COL27A1: variants seen among roughly 807,000 people sequenced by gnomAD.
COL27A1 encodes collagen type XXVII alpha 1 chain.
COL27A1 carries 106 observed loss-of-function variants against 251.3 expected under a neutral mutation model. The observed-to-expected ratio is 0.42, with a 90% CI of 0.36 to 0.50. COL27A1 has a LOEUF of 0.50. Among genes scored for constraint, COL27A1 ranks in the 20% least tolerant of loss-of-function variants. The pLI, the probability that COL27A1 is intolerant of heterozygous loss-of-function variation, is 0.00. For synonymous variants in COL27A1, 1,000 were observed against 986.3 expected, an observed-to-expected ratio of 1.01 and a Z score of -0.26; for missense variants, 2,325 against 2,522.8, an observed-to-expected ratio of 0.92 and a Z score of 1.68.
At position 114,263,513 on chromosome 9, in the gene COL27A1, G is replaced by A. The variant is rs117771596; in HGVS notation, c.3196-842G>A. ...TTCCAGGAGAGCCCAGCCCATCTGC[G>A]TCTCTGTGGGAGCGGCCCTGGAGGG... On this transcript the variant is annotated intron_variant, in intron 28 of 60. Transcript: ENST00000356083. 9.6e-3 allele frequency among the ~76,000 whole-genome samples: 1,458 copies of A among 152,230 alleles called. 11 individuals are homozygous for A. Among genetic ancestry groups the A allele is most frequent in the Admixed American group, 0.014 (219 of 15,294 alleles).
chr9:114,223,589 A>G (rs1222920297), intron 14 of COL27A1, among the ~76,000 whole-genome samples: 1 of 152,114 alleles, frequency 6.6e-6, no homozygotes, highest in African/African-American at 2.4e-5. Context: ...CCTCTGTGAA[A>G]TGGGATCATT....
intron 4 of COL27A1, among the ~76,000 whole-genome samples, chr9:114,181,845 T>C (rs996814093): frequency 6.6e-6 from 1 of 152,176 alleles, no homozygotes; most frequent in African/African-American, 2.4e-5. Context: ...AAATCTGCTG[T>C]ATGACCTTGA....
At position 114,231,916 on chromosome 9, in the gene COL27A1, C is replaced by G. The variant is rs190912459; in HGVS notation, c.2565+50C>G. The G allele has an allele frequency of 2.6e-4, 406 of 1,573,604 alleles. 2 individuals are homozygous for G. In the African/African-American group the frequency reaches 4.9e-3, roughly 19 times the overall value. ...ACTGTGGTTTCTCTGCATGCCACCC[C>G]CCTCTCCGCCCGGAGGCTGCTGCTG... is the stretch of plus-strand genomic sequence containing the variant. On this transcript the variant is annotated intron_variant, in intron 16 of 60. Coordinates refer to ENST00000356083, the MANE Select transcript of COL27A1 (RefSeq NM_032888.4).
chr9:114,253,377 G>C (rs1450039175), intron 27 of COL27A1, among the ~76,000 whole-genome samples: 1 of 93,944 alleles, frequency 1.1e-5, no homozygotes. Flanking sequence ...AAAGACGAAA[G>C]AAAGAAAGAA....
At chr9:114,239,607 T>C (rs1237008271) in intron 19 of COL27A1, among the ~76,000 whole-genome samples, 5 of 152,128 alleles carry the variant, frequency 3.3e-5, no homozygotes, top group African/African-American at 7.2e-5. Flanking sequence ...AGGGAGGTGA[T>C]TCCGCTCCAT....
intron 1 of COL27A1, among the ~76,000 whole-genome samples, chr9:114,162,499 A>G (rs575421441): frequency 1.1e-4 from 16 of 152,232 alleles, no homozygotes; most frequent in African/African-American, 3.4e-4. Context: ...GTGTTTGTCT[A>G]TATAAGCAGG....
Position 114,301,506 on chromosome 9 carries a change from G to A in COL27A1, c.4809+44G>A, listed in dbSNP as rs558757842. On this transcript the variant is annotated intron_variant, in intron 54 of 60. Transcript: ENST00000356083. ...AGGGCTGTGGGGCGGGGCGTGGGGC[G>A]GGCACCCTGCATTCTCCTCCCGGTG... The A allele has an allele frequency of 2.3e-5, 37 of 1,587,188 alleles. No individual in the cohort carries two copies. The East Asian group carries it at 4.7e-4, about 20-fold the overall frequency.
intron 28 of COL27A1, among the ~76,000 whole-genome samples, chr9:114,258,891 G>C (rs1405713532): frequency 6.6e-6 from 1 of 152,204 alleles, no homozygotes; most frequent in Non-Finnish European, 1.5e-5. Context: ...CCTACTGTCT[G>C]GCGGACACTG....
chr9:114,298,291 G>T (rs1828389204), intron 49 of COL27A1, among the ~76,000 whole-genome samples: 1 of 152,188 alleles, frequency 6.6e-6, no homozygotes, highest in South Asian at 2.1e-4. Flanking sequence ...CAGAGCTACA[G>T]ATTAAATATA....
At chr9:114,263,224 A>C (rs1174817881) in intron 28 of COL27A1, among the ~76,000 whole-genome samples, 1 of 152,024 alleles carries the variant, frequency 6.6e-6, no homozygotes, top group Non-Finnish European at 1.5e-5. Flanking sequence ...GGCGTGAGCC[A>C]CTGTGCCCAG....
rs560162635 is a variant in COL27A1, at chr9:114,235,444, A to C, written c.2566-155A>C. Reference sequence around the variant, plus strand: ...CCCGCCACCGCCTGCTTTCCTCGCCAGGGGCCCGTCCTTTCCTCTCACAAG... The same window carrying C: ...CCCGCCACCGCCTGCTTTCCTCGCCCGGGGCCCGTCCTTTCCTCTCACAAG... On this transcript the variant is annotated intron_variant, in intron 16 of 60. Coordinates refer to ENST00000356083, the MANE Select transcript of COL27A1 (RefSeq NM_032888.4). Among the ~76,000 whole-genome samples the C allele has an allele frequency of 2.6e-5, 4 of 152,228 alleles. No homozygotes were observed. In the South Asian group the frequency reaches 6.2e-4, roughly 24 times the overall value.
chr9:114,246,026 C>T, intron 24 of COL27A1, 116 bp downstream of exon 24: 1 of 888,160 alleles, frequency 1.1e-6, no homozygotes, highest in African/African-American at 1.7e-5. Context: ...AGAACAACTC[C>T]AGAGGTAGGT....
intron 12 of COL27A1, among the ~76,000 whole-genome samples, chr9:114,212,282 A>G (rs1376880006): frequency 1.3e-5 from 2 of 152,206 alleles, no homozygotes; most frequent in African/African-American, 4.8e-5. Context: ...GGGCTGGCAC[A>G]TGGGGTTGTC....
At chr9:114,250,797 CT>C (rs961081155) in intron 25 of COL27A1, 129 bp downstream of exon 25, 58 of 755,142 alleles carry the variant, frequency 7.7e-5, no homozygotes, top group Non-Finnish European at 1.3e-4. Flanking sequence ...ACCTGGCATT[CT>C]GAGTCTGCCA....
chr9:114,264,331 G>A (rs374497210), intron 28 of COL27A1, 24 bp from the exon 29 acceptor site: 3 of 1,574,066 alleles, frequency 1.9e-6, no homozygotes, highest in Non-Finnish European at 2.6e-6. Context: ...TGTCCGGTGT[G>A]CTAGTCCCTT....
chr9:114,208,363 C>T (rs1353383960), intron 10 of COL27A1, among the ~76,000 whole-genome samples: 9 of 152,102 alleles, frequency 5.9e-5, no homozygotes, highest in African/African-American at 2.2e-4. Context: ...GCAGGAGAAT[C>T]GCTTGAACCC....
intron 40 of COL27A1, 105 bp downstream of exon 40, chr9:114,283,867 C>G: frequency 8.7e-7 from 1 of 1,155,646 alleles, no homozygotes; most frequent in South Asian, 1.4e-5. Context: ...GAAGGCTGAC[C>G]CCTGGAATAC....
chr9:114,189,209 A>C (rs1485549179), intron 5 of COL27A1, among the ~76,000 whole-genome samples: 1 of 152,208 alleles, frequency 6.6e-6, no homozygotes, highest in Non-Finnish European at 1.5e-5. Context: ...ACTCTTAAAA[A>C]ATTAAAACCA....
At chr9:114,297,730 T>C (rs149522718) in intron 49 of COL27A1, among the ~76,000 whole-genome samples, 26 of 152,242 alleles carry the variant, frequency 1.7e-4, no homozygotes, top group Middle Eastern at 3.4e-3. Context: ...TATTTAATGG[T>C]AGAGGACTGA....
Sources: gnomAD v4.1 joint callset for allele counts (sites outside exome capture counted in the v4.1 genomes callset) on GRCh38, gnomAD v4.1.1 for gene constraint, MANE v1.5 for transcripts, NCBI Gene and HGNC (gene_info 2026-07-23, HGNC 2026-07-21) for gene names.